Variants in CCDC102B observed in about 807,000 individuals in gnomAD.
CCDC102B encodes the protein coiled-coil domain-containing protein 102B.
Under a neutral mutation model 57.4 loss-of-function variants are expected in CCDC102B, and 75 were observed. That is an observed-to-expected ratio of 1.31 (90% CI 1.08 to 1.58). The LOEUF (loss-of-function observed/expected upper bound fraction) is 1.58, where lower values mean the gene tolerates loss of function less well. CCDC102B is among the 40% of genes most tolerant of loss of function. The probability of loss-of-function intolerance (pLI) is 0.00; values close to 1 mark genes in which losing one functional copy is unlikely to be tolerated. For synonymous variants in CCDC102B, 206 were observed against 201.9 expected, an observed-to-expected ratio of 1.02 and a Z score of -0.17; for missense variants, 636 against 582.6, an observed-to-expected ratio of 1.09 and a Z score of -0.94.
chr18:68,963,986 G>T lies in CCDC102B; in HGVS notation c.1264-46948G>T, dbSNP rs142703962. On this transcript the variant is annotated intron_variant, in intron 6 of 7. Transcript: ENST00000360242. Reference sequence around the variant, plus strand: ...TGCTGGATCACTACTTTCTTCCAATGTATTATGGCAGAGATGTCAAATTTG... The same window carrying T: ...TGCTGGATCACTACTTTCTTCCAATTTATTATGGCAGAGATGTCAAATTTG... Among the ~76,000 whole-genome samples, 196 of 151,862 alleles carry T rather than the reference G, an allele frequency of 1.3e-3. 2 individuals are homozygous for T. In the Middle Eastern group the frequency reaches 0.027, roughly 21 times the overall value.
Position 69,054,490 on chromosome 18 carries a change from TAAG to T in CCDC102B, c.*356_*358del, listed in dbSNP as rs145744237. 4.1e-3 allele frequency: 4,130 copies of T among 1,004,856 alleles called. 126 individuals carry two copies. The African/African-American group carries it at 0.063, about 15-fold the overall frequency. 62.2% of individuals were successfully genotyped at this position (1,004,856 alleles called of 1,614,324 possible). A position where few individuals can be genotyped will look rare whatever the true frequency, so the allele number is the denominator to read the frequency against. ...ACCATACAAGACGCTGGGTCATTAA[TAAG>T]AAAACCATTGACTTTAAGTATAAAG... is the stretch of plus-strand genomic sequence containing the variant. On this transcript the variant is annotated 3_prime_UTR_variant, in exon 8 of 8. Coordinates refer to ENST00000360242, the MANE Select transcript of CCDC102B (RefSeq NM_024781.3).
At chr18:69,012,378 A>C (rs1429091252) in intron 7 of CCDC102B, among the ~76,000 whole-genome samples, 1 of 152,134 alleles carries the variant, frequency 6.6e-6, no homozygotes, top group Non-Finnish European at 1.5e-5. Flanking sequence ...AATTTCTTCT[A>C]GGGTTCGTGG....
chr18:68,835,894 C>T (rs777565216), intron 1 of CCDC102B, among the ~76,000 whole-genome samples: 38 of 152,198 alleles, frequency 2.5e-4, no homozygotes, highest in Admixed American at 9.2e-4. Context: ...CTTCATCTCA[C>T]ATCCCAGCCG....
chr18:68,784,874 T>A (rs1004267828), intron 2 of CCDC102B, among the ~76,000 whole-genome samples: 1 of 152,072 alleles, frequency 6.6e-6, no homozygotes, highest in Non-Finnish European at 1.5e-5. Flanking sequence ...TTGTGCACAT[T>A]GTGCAGGATA....
intron 1 of CCDC102B, among the ~76,000 whole-genome samples, chr18:68,836,263 C>T (rs534902832): frequency 1.3e-5 from 2 of 152,224 alleles, no homozygotes; most frequent in South Asian, 4.1e-4. Context: ...CGAGCATTTT[C>T]TGTTTCTTAG....
intron 2 of CCDC102B, among the ~76,000 whole-genome samples, chr18:68,719,945 A>G (rs2032235591): frequency 6.6e-6 from 1 of 152,202 alleles, no homozygotes; most frequent in Non-Finnish European, 1.5e-5. Flanking sequence ...AACCAAATCT[A>G]GCAGTTCACT....
chr18:68,987,025 T>C (rs1039885870), intron 6 of CCDC102B, among the ~76,000 whole-genome samples: 5 of 152,092 alleles, frequency 3.3e-5, no homozygotes, highest in Admixed American at 6.5e-5. Flanking sequence ...TCACAGTTAT[T>C]TGTCAAACTA....
At chr18:68,965,365 A>G (rs1406410524) in intron 6 of CCDC102B, among the ~76,000 whole-genome samples, 3 of 150,746 alleles carry the variant, frequency 2.0e-5, no homozygotes, top group Non-Finnish European at 3.0e-5. Context: ...TTTTTAAAAT[A>G]TTTTTATTAT....
Position 69,011,361 on chromosome 18 carries a change from CATGTGT to C in CCDC102B, c.1434+258_1434+263del, listed in dbSNP as rs529250220. 736 of 305,756 alleles carry C rather than the reference CATGTGT, an allele frequency of 2.4e-3. 3 individuals are homozygous for C. The highest frequency in any genetic ancestry group is 0.02 in the African/African-American group (480 of 23,710). The allele number at this position is 305,756 out of a possible 1,614,324, so 18.9% of individuals were successfully genotyped here. A position where few individuals can be genotyped will look rare whatever the true frequency, so the allele number is the denominator to read the frequency against. Reference sequence around the variant, plus strand: ...CAGCATGACCTTGTGTGCACGTGCGCATGTGTGTGTGTGTGTGTGTGTGTGTGTGTG... The same window carrying C: ...CAGCATGACCTTGTGTGCACGTGCGCGTGTGTGTGTGTGTGTGTGTGTGTG... On this transcript the variant is annotated intron_variant, in intron 7 of 7. Coordinates refer to ENST00000360242, the MANE Select transcript of CCDC102B (RefSeq NM_024781.3).
At chr18:69,006,751 G>A (rs1352587029) in intron 6 of CCDC102B, among the ~76,000 whole-genome samples, 1 of 152,088 alleles carries the variant, frequency 6.6e-6, no homozygotes, top group East Asian at 1.9e-4. Context: ...CCTGCTTTGA[G>A]AATTAAAGAA....
At chr18:68,964,305 A>G (rs2050117215) in intron 6 of CCDC102B, among the ~76,000 whole-genome samples, 1 of 151,896 alleles carries the variant, frequency 6.6e-6, no homozygotes, top group African/African-American at 2.4e-5. Context: ...TAATCTCAAT[A>G]ACCAAATTCT....
chr18:69,013,914 G>T (rs547487894), intron 7 of CCDC102B, among the ~76,000 whole-genome samples: 64 of 152,204 alleles, frequency 4.2e-4, no homozygotes, highest in African/African-American at 1.5e-3. Flanking sequence ...TACTAAAATT[G>T]AGCTTTGTGG....
chr18:68,734,784 A>C (rs1255926127), intron 2 of CCDC102B: 1 of 152,204 alleles, frequency 6.6e-6, no homozygotes, highest in African/African-American at 2.4e-5. Context: ...TTGTTCTTTT[A>C]AATTCTCTTT....
intron 3 of CCDC102B, among the ~76,000 whole-genome samples, chr18:68,844,588 T>C (rs376286179): frequency 2.0e-5 from 3 of 151,884 alleles, no homozygotes; most frequent in African/African-American, 7.2e-5. Flanking sequence ...TCTAAGTCAA[T>C]ACTCAATATC....
intron 6 of CCDC102B, among the ~76,000 whole-genome samples, chr18:68,989,212 T>G (rs1013219496): frequency 1.3e-5 from 2 of 152,242 alleles, no homozygotes; most frequent in African/African-American, 4.8e-5. Context: ...GTTTTTCTTC[T>G]CTACATTTTT....
intron 7 of CCDC102B, among the ~76,000 whole-genome samples, chr18:69,016,951 CT>C (rs1369595861): frequency 1.3e-5 from 2 of 152,022 alleles, no homozygotes; most frequent in Non-Finnish European, 2.9e-5. Flanking sequence ...GAAATACTGA[CT>C]GTATCTAATG....
intron 6 of CCDC102B, among the ~76,000 whole-genome samples, chr18:69,004,103 A>G (rs916185139): frequency 1.4e-4 from 21 of 152,196 alleles, no homozygotes; most frequent in African/African-American, 4.6e-4. Context: ...TAAAGTTTCC[A>G]TCATCTATTT....
intron 6 of CCDC102B, among the ~76,000 whole-genome samples, chr18:68,940,259 G>A (rs1289584462): frequency 4.0e-5 from 6 of 151,696 alleles, no homozygotes; most frequent in East Asian, 1.9e-4. Flanking sequence ...ATATGAAATC[G>A]TTTTCAGATA....
intron 1 of CCDC102B, among the ~76,000 whole-genome samples, chr18:68,818,479 C>T (rs1396457237): frequency 6.6e-6 from 1 of 152,114 alleles, no homozygotes; most frequent in Non-Finnish European, 1.5e-5. Flanking sequence ...TAGCCAATAC[C>T]CAGATCAAGT....
Sources: allele counts gnomAD v4.1 joint callset (sites outside exome capture counted in the v4.1 genomes callset), GRCh38; gene constraint gnomAD v4.1.1; transcripts MANE v1.5; gene names NCBI Gene and HGNC (gene_info 2026-07-23, HGNC 2026-07-21).